The following PHF2 variants were observed in gnomAD, a reference collection of about 807,000 sequenced individuals.
PHF2 encodes PHD finger protein 2, also known as lysine-specific demethylase PHF2.
In PHF2, 27 loss-of-function variants were observed where a neutral mutation model predicts 120.5. That is an observed-to-expected ratio of 0.22 (90% CI 0.17 to 0.31). The LOEUF (loss-of-function observed/expected upper bound fraction) is 0.31, where lower values mean the gene tolerates loss of function less well. PHF2 is among the 10% of genes least tolerant of loss of function. The pLI, the probability that PHF2 is intolerant of heterozygous loss-of-function variation, is 1.00. For missense variants in PHF2, 1,024 were observed against 1,434.8 expected (o/e 0.71, Z 4.63); for synonymous variants, 568 against 592.5 (o/e 0.96, Z 0.60).
In PHF2 at chr9:93,653,238, A is replaced by G. The variant is rs777771735; in HGVS notation, c.662A>G (p.Tyr221Cys). Residue 221 changes from tyrosine (Y) to cysteine (C), a missense_variant, in exon 6 of 22, where the codon TAC (tyrosine) becomes TGC (cysteine). Physicochemically the swap from Tyr to Cys is radical, Grantham distance 194. Coordinates refer to ENST00000359246, the MANE Select transcript of PHF2 (RefSeq NM_005392.4). ...AAGAAACTGTCATGGGTAGAAAACT[A>G]CTGGCCAGATGATGCATTGCTGGCC... ...IVKKLSWVEN[Y>C]WPDDALLAKP... 6.2e-7 allele frequency: 1 copy of G among 1,614,198 alleles called. No homozygotes were observed. The highest frequency in any genetic ancestry group is 8.5e-7 in the Non-Finnish European group (1 of 1,180,034).
In PHF2 at chr9:93,591,900, G is replaced by A. The variant is rs1825232175; in HGVS notation, c.98+15029G>A. Among the ~76,000 whole-genome samples the A allele has an allele frequency of 5.3e-5, 8 of 152,340 alleles. No homozygotes were observed. The South Asian group carries it at 1.7e-3, about 32-fold the overall frequency. The stretch of plus-strand genomic sequence containing the variant: ...TGTGTGGCCTGCTCCTAGTCTGGCT[G>A]CTCACCTGCAGAGGCCTTGAGGCTC... On this transcript the variant is annotated intron_variant, in intron 1 of 21. Coordinates refer to ENST00000359246, the MANE Select transcript of PHF2 (RefSeq NM_005392.4).
intron 2 of PHF2, among the ~76,000 whole-genome samples, chr9:93,633,721 G>A (rs1054532372): frequency 2.0e-5 from 3 of 152,216 alleles, no homozygotes; most frequent in African/African-American, 7.2e-5. Context: ...GAGGTACGCA[G>A]GTGTAGCCGG....
In PHF2 at chr9:93,617,309, A is replaced by G. The variant is rs559468964; in HGVS notation, c.99-12661A>G. Reference sequence around the variant, plus strand: ...CTGGCATGCTTGGGGTCAGAATTCCATATCACCCGTGAGAAAGCCACTGTG... The same window carrying G: ...CTGGCATGCTTGGGGTCAGAATTCCGTATCACCCGTGAGAAAGCCACTGTG... On this transcript the variant is annotated intron_variant, in intron 1 of 21. Transcript: ENST00000359246. Among the ~76,000 whole-genome samples, 5 of 152,320 alleles carry G rather than the reference A, an allele frequency of 3.3e-5. No individual in the cohort carries two copies. The East Asian group carries it at 9.7e-4, about 29-fold the overall frequency.
At chr9:93,638,614 T>C (rs1264178436) in intron 3 of PHF2, among the ~76,000 whole-genome samples, 4 of 152,270 alleles carry the variant, frequency 2.6e-5, no homozygotes, top group Non-Finnish European at 5.9e-5. Context: ...TATTCAATTC[T>C]ATTCCACTAA....
intron 17 of PHF2, among the ~76,000 whole-genome samples, chr9:93,669,114 G>A (rs555911250): frequency 4.5e-4 from 68 of 152,346 alleles, no homozygotes; most frequent in African/African-American, 1.5e-3. Flanking sequence ...AACCCTGCGG[G>A]ACCTGGGCAT....
intron 1 of PHF2, among the ~76,000 whole-genome samples, chr9:93,602,567 G>C (rs1225222283): frequency 4.0e-5 from 6 of 151,894 alleles, no homozygotes; most frequent in Non-Finnish European, 8.8e-5. Flanking sequence ...AGAGGTTCTT[G>C]TTTATTGACT....
intron 1 of PHF2, among the ~76,000 whole-genome samples, chr9:93,586,665 G>T (rs565727186): frequency 6.6e-6 from 1 of 152,410 alleles, no homozygotes; most frequent in East Asian, 1.9e-4. Context: ...AGCATGAGCT[G>T]TGCTAGGAGT....
At chr9:93,655,014 T>TTTG (rs1826433788) in intron 7 of PHF2, among the ~76,000 whole-genome samples, 2 of 152,068 alleles carry the variant, frequency 1.3e-5, no homozygotes, top group Non-Finnish European at 2.9e-5. Flanking sequence ...ATTAAGACAA[T>TTTG]AGTAGGGGAC....
intron 1 of PHF2, among the ~76,000 whole-genome samples, chr9:93,577,962 A>G (rs1267886723): frequency 6.6e-6 from 1 of 152,072 alleles, no homozygotes; most frequent in Non-Finnish European, 1.5e-5. Context: ...GTCCCAAACC[A>G]CCGGCAGCAA....
intron 1 of PHF2, among the ~76,000 whole-genome samples, chr9:93,577,273 C>T (rs1375149543): frequency 1.3e-5 from 2 of 151,498 alleles, no homozygotes; most frequent in Admixed American, 1.3e-4. Context: ...CTCCCCCCTG[C>T]GAAGTTGCAG....
rs553074755 is a variant in PHF2 at position 93,665,596 on chromosome 9, G to A, written c.1938-90G>A. On this transcript the variant is annotated intron_variant, in intron 14 of 21. Coordinates refer to ENST00000359246, the MANE Select transcript of PHF2 (RefSeq NM_005392.4). ...TGCCTCCTGGAGGCCATCCTGCCGC[G>A]GCCCTGGCAGAGGACCCCTCGGGAG... 2.1e-4 allele frequency: 297 copies of A among 1,417,454 alleles called. 2 individuals carry two copies. In the South Asian group the frequency reaches 3.5e-3, roughly 17 times the overall value. 87.8% of individuals were successfully genotyped at this position (1,417,454 alleles called of 1,614,324 possible).
intron 1 of PHF2, among the ~76,000 whole-genome samples, chr9:93,588,191 G>C (rs990629675): frequency 2.0e-5 from 3 of 152,212 alleles, no homozygotes; most frequent in Non-Finnish European, 4.4e-5. Context: ...AGATGCTCTG[G>C]GGGCAGGGCC....
At chr9:93,631,552 T>C (rs770112713) in intron 2 of PHF2, among the ~76,000 whole-genome samples, 1 of 152,126 alleles carries the variant, frequency 6.6e-6, no homozygotes, top group Non-Finnish European at 1.5e-5. Context: ...CAAAAACAGA[T>C]AAAGGGTAGG....
rs776787542 is a variant in PHF2 at position 93,660,438 on chromosome 9, G to A, written c.1576G>A (p.Gly526Arg). 206 of 1,482,696 alleles carry A rather than the reference G, an allele frequency of 1.4e-4. 1 individual carries two copies. Among genetic ancestry groups the A allele is most frequent in the Non-Finnish European group, 1.8e-4 (200 of 1,106,298 alleles). The allele number at this position is 1,482,696 out of a possible 1,614,324, so 91.8% of individuals were successfully genotyped here. ...CCCCAAAACGCTGAAGCTCAAAGAT[G>A]GAGGCAAGAAGAAAGGGAAGAAGTC... ...RPPKTLKLKD[G>R]GKKKGKKSRE... Residue 526 changes from glycine to arginine, a missense_variant, in exon 12 of 22, where the codon GGA becomes AGA. Around this residue, in one of 2 missense-constraint regions of PHF2, gnomAD observed 677 missense variants for 857.4 expected, o/e 0.79. Transcript: ENST00000359246.
intron 1 of PHF2, among the ~76,000 whole-genome samples, chr9:93,603,430 C>T (rs952397189): frequency 6.6e-6 from 1 of 152,146 alleles, no homozygotes; most frequent in Non-Finnish European, 1.5e-5. Context: ...TTGAGAAGCT[C>T]ATGGTCTTCC....
chr9:93,655,705 T>C (rs967023646), intron 7 of PHF2, among the ~76,000 whole-genome samples: 1 of 152,198 alleles, frequency 6.6e-6, no homozygotes, highest in East Asian at 1.9e-4. Flanking sequence ...CCCCCTTCCA[T>C]GGAGGCTGGG....
At chr9:93,585,237 G>A (rs1379900874) in intron 1 of PHF2, among the ~76,000 whole-genome samples, 1 of 152,230 alleles carries the variant, frequency 6.6e-6, no homozygotes, top group African/African-American at 2.4e-5. Context: ...TGCATCAGAT[G>A]TCGAACTAGG....
At chr9:93,610,098 C>T (rs945250665) in intron 1 of PHF2, among the ~76,000 whole-genome samples, 3 of 149,362 alleles carry the variant, frequency 2.0e-5, no homozygotes, top group African/African-American at 7.4e-5. Context: ...GGCTTATATC[C>T]TGCTTGGTAT....
intron 6 of PHF2, 119 bp downstream of exon 6, chr9:93,653,484 A>C: frequency 1.9e-6 from 2 of 1,030,798 alleles, no homozygotes; most frequent in Non-Finnish European, 2.8e-6. Context: ...GGGCCCCTGG[A>C]CTGTCCATCC....
Sources: allele counts gnomAD v4.1 joint callset (sites outside exome capture counted in the v4.1 genomes callset), GRCh38; gene constraint gnomAD v4.1.1; regional missense constraint gnomAD v4.1.1; transcripts MANE v1.5; gene names NCBI Gene and HGNC (gene_info 2026-07-23, HGNC 2026-07-21).